ZNF778: variants seen among roughly 807,000 people sequenced by gnomAD.
ZNF778 encodes the protein zinc finger protein 778.
A neutral mutation model predicts 23.9 loss-of-function variants in ZNF778; 37 were observed. The ratio of observed to expected loss-of-function variants is 1.54; its 90% CI spans 1.19 to 2.03. The LOEUF is 2.03. Ranked by LOEUF, ZNF778 falls within the 30% of genes most tolerant of loss-of-function variation. The pLI, the probability that ZNF778 is intolerant of heterozygous loss-of-function variation, is 0.00. For synonymous variants in ZNF778, 483 were observed against 343.9 expected, an observed-to-expected ratio of 1.40 and a Z score of -4.48; for missense variants, 1,297 against 934.4, an observed-to-expected ratio of 1.39 and a Z score of -5.06.
At chr16:89,224,905 G>A (rs1286222477) in intron 5 of ZNF778, 103 bp downstream of exon 5, 38 of 786,472 alleles carry the variant, frequency 4.8e-5, no homozygotes, top group East Asian at 1.1e-4. Flanking sequence ...CAAGTTAAGC[G>A]GCTGTGGGAG....
rs772954980 is a variant in ZNF778 at position 89,226,754 on chromosome 16, G to C, written c.466G>C (p.Glu156Gln). Residue 156 changes from glutamate (E) to glutamine (Q), a missense_variant, in exon 7 of 7, where the codon GAA (glutamate) becomes CAA (glutamine). Coordinates refer to ENST00000433976, the MANE Select transcript of ZNF778 (RefSeq NM_001201407.2). ...CACGCAGTGTGGAGAAGCTTTCAGT[G>C]AACACTCAGGCCTCAGCACACACGT... The part of the protein sequence containing the change: ...DRTQCGEAFS[E>Q]HSGLSTHVRT... The C allele has an allele frequency of 6.2e-7, 1 of 1,613,976 alleles. No individual in the cohort carries two copies. The highest frequency in any genetic ancestry group is 1.1e-5 in the South Asian group (1 of 91,070).
Position 89,228,527 on chromosome 16 carries a change from C to A in ZNF778, c.2239C>A (p.His747Asn), listed in dbSNP as rs757385417. The A allele has an allele frequency of 1.3e-6, 2 of 1,599,958 alleles. No individual in the cohort carries two copies. Among genetic ancestry groups the A allele is most frequent in the South Asian group, 2.3e-5 (2 of 88,286 alleles). The change falls in exon 7 of 7, where the codon CAC becomes AAC. Residue 747 changes from histidine to asparagine, a missense_variant. Physicochemically the swap from His to Asn is moderately conservative, Grantham distance 68. Transcript: ENST00000433976. ...SFKNSSCLNH[H>N]TQIHTDEKPF Reference sequence around the variant, plus strand: ...TAAGAATTCCTCATGCCTTAACCATCACACTCAAATTCACACTGATGAGAA... The same window carrying A: ...TAAGAATTCCTCATGCCTTAACCATAACACTCAAATTCACACTGATGAGAA...
chr16:89,222,943 ACGCGTGACTGGAGGAGAGCGACAGGGTG>A (rs1820040507), intron 3 of ZNF778, among the ~76,000 whole-genome samples, 186 bp from the exon 4 acceptor site: 5 of 128,482 alleles, frequency 3.9e-5, no homozygotes, highest in Admixed American at 1.7e-4. Flanking sequence ...GCGACAGGGC[ACGCGTGACTGGAGGAGAGCGACAGGGTG>A]CGCGTGACTG....
At position 89,235,281 on chromosome 16, in the gene ZNF778, CACA is replaced by C. The variant is rs76308373; in HGVS notation, c.*6722_*6724del. On this transcript the variant is annotated 3_prime_UTR_variant, in exon 7 of 7. Coordinates refer to ENST00000433976, the MANE Select transcript of ZNF778 (RefSeq NM_001201407.2). ...GGCCTCATGCTGACTTCCGTTTTCA[CACA>C]ACGAGTGGGAAACAGGTGTCCTAAC... 0.044 allele frequency: 6,670 copies of C among 152,218 alleles called. 261 individuals carry two copies. Among genetic ancestry groups the C allele is most frequent in the East Asian group, 0.17 (881 of 5,174 alleles). The allele number at this position is 152,218 out of a possible 1,614,324, so 9.4% of individuals were successfully genotyped here. A position where few individuals can be genotyped will look rare whatever the true frequency, so the allele number is the denominator to read the frequency against.
chr16:89,224,040 A>C (rs1188185424), intron 4 of ZNF778, among the ~76,000 whole-genome samples: 1 of 126,088 alleles, frequency 7.9e-6, no homozygotes, highest in African/African-American at 3.0e-5. Context: ...GGCCAGGCGC[A>C]GTGGCTTAGG....
chr16:89,218,276 T>C (rs1288377666), intron 1 of ZNF778: 1 of 152,262 alleles, frequency 6.6e-6, no homozygotes, highest in Non-Finnish European at 1.5e-5. Flanking sequence ...GAACATCTGC[T>C]ACAAGGAATA....
rs954508226 is a variant in ZNF778, at chr16:89,226,912, C to T, written c.624C>T (p.Ser208=). 7.4e-6 allele frequency: 12 copies of T among 1,613,854 alleles called. No homozygotes were observed. The highest frequency in any genetic ancestry group is 9.3e-6 in the Non-Finnish European group (11 of 1,179,892). ...SVLGQCGKAF[S]STPNVVSQQA... is the part of the protein sequence containing the mutation. ...TGGGTCAGTGTGGAAAAGCCTTCAG[C>T]TCTACTCCAAATGTTGTTTCCCAGC... Residue 208 remains serine (S), a synonymous_variant, in exon 7 of 7, where the codon AGC becomes AGT. Coordinates refer to ENST00000433976, the MANE Select transcript of ZNF778 (RefSeq NM_001201407.2).
intron 2 of ZNF778, among the ~76,000 whole-genome samples, chr16:89,221,747 G>C (rs1361608037): frequency 6.7e-6 from 1 of 148,838 alleles, no homozygotes; most frequent in Non-Finnish European, 1.5e-5. Flanking sequence ...TCCTGAGTGT[G>C]CAAGAGTACA....
intron 1 of ZNF778, among the ~76,000 whole-genome samples, chr16:89,220,335 G>C (rs572863917): frequency 1.3e-5 from 2 of 152,278 alleles, no homozygotes; most frequent in South Asian, 4.1e-4. Context: ...GTCCTGCTGG[G>C]GAGTGACCGC....
In ZNF778 at chr16:89,227,668, A is replaced by G. The variant is rs1227361118; in HGVS notation, c.1380A>G (p.Thr460=). The G allele has an allele frequency of 1.2e-6, 2 of 1,614,030 alleles. No homozygotes were observed. The highest frequency in any genetic ancestry group is 1.3e-5 in the African/African-American group (1 of 74,908). The change falls in exon 7 of 7, where the codon ACA becomes ACG. Residue 460 remains threonine, a synonymous_variant. Coordinates refer to ENST00000433976, the MANE Select transcript of ZNF778 (RefSeq NM_001201407.2). ...AGGACTGCGGGAAAGCCTTCTGTAC[A>G]TCCTCGGGCCTTACTGAGCATGTAA... ...TCKDCGKAFC[T]SSGLTEHVRT...
At chr16:89,221,999 T>A (rs1474028523) in intron 2 of ZNF778, 93 bp from the exon 3 acceptor site, 1 of 836,986 alleles carries the variant, frequency 1.2e-6, no homozygotes, top group Non-Finnish European at 1.9e-6. Context: ...ACGTGATAAT[T>A]TCCTGCTAGG....
Position 89,227,927 on chromosome 16 carries a change from C to G in ZNF778, c.1639C>G (p.Leu547Val). The G allele has an allele frequency of 3.1e-6, 5 of 1,614,048 alleles. No homozygotes were observed. Among genetic ancestry groups the G allele is most frequent in the Non-Finnish European group, 4.2e-6 (5 of 1,179,986 alleles). Residue 547 changes from leucine (L) to valine (V), a missense_variant, in exon 7 of 7, where the codon CTA (leucine) becomes GTA (valine). By Grantham distance (32) the Leu-to-Val change is conservative. Transcript: ENST00000433976. The stretch of plus-strand genomic sequence containing the variant: ...TGGGAAAGCCTACAATAGGGTTTAT[C>G]TACTGAATGAGCATGTGAAAACTCA... ...DCGKAYNRVY[L>V]LNEHVKTHTE... is the part of the protein sequence containing the mutation.
intron 5 of ZNF778, 44 bp from the exon 6 acceptor site, chr16:89,225,511 C>G (rs550520930): frequency 6.9e-7 from 1 of 1,457,398 alleles, no homozygotes; most frequent in Non-Finnish European, 9.5e-7. Flanking sequence ...AAAACAAATA[C>G]CAATGAGTTT....
Position 89,221,401 on chromosome 16 carries a change from C to G in ZNF778, c.25+249C>G, listed in dbSNP as rs554152505. On this transcript the variant is annotated intron_variant, in intron 2 of 6. Coordinates refer to ENST00000433976, the MANE Select transcript of ZNF778 (RefSeq NM_001201407.2). ...GAAGAGTCACGTTCCTCAAGGCGTA[C>G]CGTTCCATATCTGCAATAGGAGCCT... Among the ~76,000 whole-genome samples, 20 of 152,304 alleles carry G rather than the reference C, an allele frequency of 1.3e-4. No individual in the cohort carries two copies. The South Asian group carries it at 4.1e-3, about 32-fold the overall frequency.
chr16:89,232,411 A>G lies in ZNF778; in HGVS notation c.*3849A>G, dbSNP rs1179376267. On this transcript the variant is annotated 3_prime_UTR_variant, in exon 7 of 7. Coordinates refer to ENST00000433976, the MANE Select transcript of ZNF778 (RefSeq NM_001201407.2). ...CTTTCTAAGTTACCCACAGCCTCAG[A>G]TATGTAGCAACACAGACAGACTAAG... 1 of 315,996 alleles carries G rather than the reference A, an allele frequency of 3.2e-6. No individual in the cohort carries two copies. Among genetic ancestry groups the G allele is most frequent in the East Asian group, 9.0e-5 (1 of 11,128 alleles). 19.6% of individuals were successfully genotyped at this position (315,996 alleles called of 1,614,324 possible).
Position 89,225,639 on chromosome 16 carries a change from T to G in ZNF778, c.405+8T>G, listed in dbSNP as rs370138435. 2.6e-5 allele frequency: 41 copies of G among 1,607,016 alleles called. No homozygotes were observed. In the African/African-American group the frequency reaches 4.0e-4, roughly 16 times the overall value. ...TCAAATGAGACACAGACGGTAAGATTAACAAGAGAGATTTTTTTATTTATC... is the reference window on the plus strand; with the variant it reads ...TCAAATGAGACACAGACGGTAAGATGAACAAGAGAGATTTTTTTATTTATC... On this transcript the variant is annotated splice_region_variant and intron_variant, in intron 6 of 6. Transcript: ENST00000433976.
In ZNF778 at chr16:89,233,447, GCAACT is replaced by G. The variant is rs1298680640; in HGVS notation, c.*4892_*4896del. ...ATGCAACTCAACTCGCACTGCGTGT[GCAACT>G]CAACTCGCACTGCGTGTGCAACTCA... is the stretch of plus-strand genomic sequence containing the variant. On this transcript the variant is annotated 3_prime_UTR_variant, in exon 7 of 7. Transcript: ENST00000433976. The G allele has an allele frequency of 1.5e-5, 18 of 1,230,096 alleles. 1 individual carries two copies. The African/African-American group carries it at 1.6e-4, about 11-fold the overall frequency. The allele number at this position is 1,230,096 out of a possible 1,614,324, so 76.2% of individuals were successfully genotyped here. A position where few individuals can be genotyped will look rare whatever the true frequency, so the allele number is the denominator to read the frequency against.
rs1262695941 is a variant in ZNF778 at position 89,225,604 on chromosome 16, G to C, written c.378G>C (p.Trp126Cys). 3 of 1,612,906 alleles carry C rather than the reference G, an allele frequency of 1.9e-6. No homozygotes were observed. Among genetic ancestry groups the C allele is most frequent in the Non-Finnish European group, 2.5e-6 (3 of 1,179,268 alleles). Residue 126 changes from tryptophan (W) to cysteine (C), a missense_variant, in exon 6 of 7, where the codon TGG becomes TGC. By Grantham distance (215) the Trp-to-Cys change is radical. Transcript: ENST00000433976. ...CAGCACTTCGGCAGGATAGATCTTG[G>C]TTCAGAGCATCAAATGAGACACAGA... ...KGPALRQDRS[W>C]FRASNETQTA...
chr16:89,222,682 T>G (rs2031073227), intron 3 of ZNF778, among the ~76,000 whole-genome samples: 2 of 152,226 alleles, frequency 1.3e-5, no homozygotes, highest in Non-Finnish European at 2.9e-5. Context: ...ACTCATTATT[T>G]TCACCCTTGT....
Sources: allele counts gnomAD v4.1 joint callset (sites outside exome capture counted in the v4.1 genomes callset), GRCh38; gene constraint gnomAD v4.1.1; transcripts MANE v1.5; gene names NCBI Gene and HGNC (gene_info 2026-07-23, HGNC 2026-07-21).